The following GNG2 variants were observed in gnomAD, a reference collection of about 807,000 sequenced individuals.
The protein encoded by GNG2 is guanine nucleotide-binding protein G(I)/G(S)/G(O) subunit gamma-2.
A neutral mutation model predicts 5.5 loss-of-function variants in GNG2; 5 were observed. The ratio of observed to expected loss-of-function variants is 0.91; its 90% CI spans 0.48 to 1.92. GNG2 has a LOEUF of 1.92. Among genes scored for constraint, GNG2 ranks in the 30% most tolerant of loss-of-function variants. The pLI, the probability that GNG2 is intolerant of heterozygous loss-of-function variation, is 0.01. For missense variants in GNG2, 55 were observed against 88.4 expected (o/e 0.62, Z 1.52); for synonymous variants, 28 against 32.0 (o/e 0.88, Z 0.42).
intron 2 of GNG2, among the ~76,000 whole-genome samples, chr14:51,831,457 A>G (rs1434043090): frequency 6.6e-6 from 1 of 152,224 alleles, no homozygotes; most frequent in Non-Finnish European, 1.5e-5. Context: ...GGATGATATA[A>G]ATGAAAAGGA....
In GNG2 at chr14:51,968,597, T is replaced by C. The variant is rs1451966160; in HGVS notation, c.*1910T>C. ...TACTTCTGTTCTTCTGTTCAAATTGTGGGGTTTTTGTTACAGTTAGGACGC... is the reference window on the plus strand; with the variant it reads ...TACTTCTGTTCTTCTGTTCAAATTGCGGGGTTTTTGTTACAGTTAGGACGC... On this transcript the variant is annotated 3_prime_UTR_variant, in exon 4 of 4. Coordinates refer to ENST00000556766, the MANE Select transcript of GNG2 (RefSeq NM_053064.5). 1 of 152,184 alleles carries C rather than the reference T, an allele frequency of 6.6e-6. No individual in the cohort carries two copies. The highest frequency in any genetic ancestry group is 1.5e-5 in the Non-Finnish European group (1 of 68,032). 9.4% of individuals were successfully genotyped at this position (152,184 alleles called of 1,614,324 possible).
At chr14:51,891,155 G>A (rs749452465) in intron 2 of GNG2, among the ~76,000 whole-genome samples, 6 of 152,150 alleles carry the variant, frequency 3.9e-5, no homozygotes, top group Non-Finnish European at 7.4e-5. Context: ...ATTAGCCTTC[G>A]TTCTCCCCGG....
intron 2 of GNG2, among the ~76,000 whole-genome samples, chr14:51,941,221 A>G (rs1888301390): frequency 6.6e-6 from 1 of 152,240 alleles, no homozygotes; most frequent in African/African-American, 2.4e-5. Context: ...TGAGCAATTA[A>G]CAAAGACATT....
At chr14:51,836,098 G>A (rs1440184795) in intron 2 of GNG2, among the ~76,000 whole-genome samples, 2 of 151,422 alleles carry the variant, frequency 1.3e-5, no homozygotes, top group African/African-American at 2.4e-5. Context: ...CCTAGTTTGC[G>A]GAAGGCTGTC....
chr14:51,922,857 T>C (rs2140228616), intron 2 of GNG2, among the ~76,000 whole-genome samples: 1 of 152,202 alleles, frequency 6.6e-6, no homozygotes, highest in South Asian at 2.1e-4. Context: ...CAGTCAAAGA[T>C]TGCAACTGCA....
intron 2 of GNG2, among the ~76,000 whole-genome samples, chr14:51,948,055 G>A (rs951351490): frequency 6.6e-6 from 1 of 152,212 alleles, no homozygotes; most frequent in East Asian, 1.9e-4. Flanking sequence ...TGTGATCAAT[G>A]CAGATGCCTC....
chr14:51,950,720 G>A lies in GNG2; in HGVS notation c.42G>A (p.Lys14=). 1 of 1,612,236 alleles carries A rather than the reference G, an allele frequency of 6.2e-7. No individual in the cohort carries two copies. Among genetic ancestry groups the A allele is most frequent in the Non-Finnish European group, 8.5e-7 (1 of 1,179,312 alleles). ...CCGCCAGCATAGCACAAGCCAGGAAGCTGGTAGAGCAGCTTAAGATGGAAG... is the reference window on the plus strand; with the variant it reads ...CCGCCAGCATAGCACAAGCCAGGAAACTGGTAGAGCAGCTTAAGATGGAAG... The part of the protein sequence containing the change: ...NNTASIAQAR[K]LVEQLKMEAN... The change falls in exon 3 of 4, where the codon AAG becomes AAA. Residue 14 remains lysine (K), a synonymous_variant. Transcript: ENST00000556766.
intron 1 of GNG2, among the ~76,000 whole-genome samples, chr14:51,875,205 T>A (rs1297584898): frequency 6.6e-6 from 1 of 152,222 alleles, no homozygotes; most frequent in African/African-American, 2.4e-5. Flanking sequence ...GCCAGGCTCC[T>A]TCTATCCTGT....
chr14:51,848,815 T>C (rs926343776), intron 2 of GNG2, among the ~76,000 whole-genome samples: 6 of 152,054 alleles, frequency 3.9e-5, no homozygotes, highest in African/African-American at 9.7e-5. Flanking sequence ...CCAGAAGAAG[T>C]TGTGGTTCTT....
chr14:51,886,533 G>T (rs1014243796), intron 2 of GNG2, among the ~76,000 whole-genome samples: 1 of 152,196 alleles, frequency 6.6e-6, no homozygotes, highest in African/African-American at 2.4e-5. Flanking sequence ...TTAATTTCAA[G>T]AGTACTTAGT....
chr14:51,840,610 ATTCT>A (rs1221333809), intron 2 of GNG2, among the ~76,000 whole-genome samples: 1 of 152,192 alleles, frequency 6.6e-6, no homozygotes, highest in Non-Finnish European at 1.5e-5. Context: ...ATTGTCATTC[ATTCT>A]GTTGCCTCCA....
intron 2 of GNG2, among the ~76,000 whole-genome samples, chr14:51,942,571 C>CTCTTTCTTTCTTTCTGTCTTTCTTTCTT (rs1888381360): frequency 1.8e-5 from 1 of 55,646 alleles, no homozygotes; most frequent in Non-Finnish European, 3.7e-5. Context: ...TTTATTTTTT[C>CTCTTTCTTTCTTTCTGTCTTTCTTTCTT]TCTTTCTTTC....
chr14:51,893,974 A>G (rs1885028233), intron 2 of GNG2, among the ~76,000 whole-genome samples: 1 of 152,066 alleles, frequency 6.6e-6, no homozygotes, highest in Non-Finnish European at 1.5e-5. Flanking sequence ...CAATGATGCC[A>G]TCTTCATTAT....
At chr14:51,941,344 GACAA>G (rs1280874004) in intron 2 of GNG2, among the ~76,000 whole-genome samples, 2 of 152,172 alleles carry the variant, frequency 1.3e-5, no homozygotes, top group African/African-American at 2.4e-5. Flanking sequence ...GTGGCTGACT[GACAA>G]ACAAGAATAA....
intron 2 of GNG2, among the ~76,000 whole-genome samples, chr14:51,832,696 C>T (rs1351133938): frequency 6.6e-6 from 1 of 152,198 alleles, no homozygotes; most frequent in Non-Finnish European, 1.5e-5. Flanking sequence ...ACAAGGCAGG[C>T]AGGGAAACCA....
intron 3 of GNG2, among the ~76,000 whole-genome samples, chr14:51,959,321 G>T (rs1031038375): frequency 6.6e-6 from 1 of 152,046 alleles, no homozygotes; most frequent in African/African-American, 2.4e-5. Flanking sequence ...GTCTAAAACT[G>T]CATTCTTGAT....
intron 2 of GNG2, among the ~76,000 whole-genome samples, chr14:51,945,897 C>CATT (rs1204997301): frequency 9.2e-6 from 1 of 108,680 alleles, no homozygotes; most frequent in African/African-American, 3.0e-5. Context: ...TCTCACGTTG[C>CATT]GTTGTTTGTT....
At position 51,966,825 on chromosome 14, in the gene GNG2, T is replaced by G. The variant is rs1206682189; in HGVS notation, c.*138T>G. The G allele has an allele frequency of 1.5e-6, 1 of 687,986 alleles. No individual in the cohort carries two copies. The highest frequency in any genetic ancestry group is 2.5e-5 in the Admixed American group (1 of 39,710). 42.6% of individuals were successfully genotyped at this position (687,986 alleles called of 1,614,324 possible). ...TTCTGGAAACTCTAGGCTATGCATGTTTAAAGATCTGGTCCCCTTTATGAG... is the reference window on the plus strand; with the variant it reads ...TTCTGGAAACTCTAGGCTATGCATGGTTAAAGATCTGGTCCCCTTTATGAG... On this transcript the variant is annotated 3_prime_UTR_variant, in exon 4 of 4. Coordinates refer to ENST00000556766, the MANE Select transcript of GNG2 (RefSeq NM_053064.5).
intron 2 of GNG2, among the ~76,000 whole-genome samples, chr14:51,887,078 A>G (rs1457481555): frequency 6.6e-6 from 1 of 152,230 alleles, no homozygotes; most frequent in Admixed American, 6.5e-5. Flanking sequence ...AAATGGACCC[A>G]GATACAATGG....
Sources: gnomAD v4.1 joint callset for allele counts (sites outside exome capture counted in the v4.1 genomes callset) on GRCh38, gnomAD v4.1.1 for gene constraint, MANE v1.5 for transcripts, NCBI Gene and HGNC (gene_info 2026-07-23, HGNC 2026-07-21) for gene names.